The following SLC35A1 variants were observed in gnomAD, a reference collection of about 807,000 sequenced individuals.
The protein encoded by SLC35A1 is CMP-sialic acid transporter.
SLC35A1 carries 21 observed loss-of-function variants against 40.3 expected under a neutral mutation model. That is an observed-to-expected ratio of 0.52 (90% CI 0.37 to 0.75). The LOEUF (loss-of-function observed/expected upper bound fraction) is 0.75, where lower values mean the gene tolerates loss of function less well. Ranked by LOEUF, SLC35A1 falls within the 30% of genes least tolerant of loss-of-function variation. The pLI is 0.00. For synonymous variants in SLC35A1, 146 were observed against 147.3 expected, an observed-to-expected ratio of 0.99 and a Z score of 0.06; for missense variants, 297 against 382.1, an observed-to-expected ratio of 0.78 and a Z score of 1.86.
chr6:87,486,155 T>C (rs2127966907), intron 2 of SLC35A1, among the ~76,000 whole-genome samples: 1 of 152,334 alleles, frequency 6.6e-6, no homozygotes, highest in Non-Finnish European at 1.5e-5. Flanking sequence ...TCTCTGATGC[T>C]GTTTGCTCAG....
intron 2 of SLC35A1, among the ~76,000 whole-genome samples, chr6:87,490,329 GTCA>G (rs1769510439): frequency 6.9e-6 from 1 of 144,488 alleles, no homozygotes; most frequent in Non-Finnish European, 1.5e-5. Context: ...GATATATATT[GTCA>G]TCATTTTTTT....
chr6:87,489,243 T>C (rs922540527), intron 2 of SLC35A1, among the ~76,000 whole-genome samples: 5 of 151,636 alleles, frequency 3.3e-5, no homozygotes, highest in Non-Finnish European at 5.9e-5. Flanking sequence ...TGTGGTGATG[T>C]TGGGAGGCGG....
chr6:87,485,851 G>A (rs1751153580), intron 2 of SLC35A1, among the ~76,000 whole-genome samples: 1 of 152,126 alleles, frequency 6.6e-6, no homozygotes, highest in Non-Finnish European at 1.5e-5. Flanking sequence ...TGCAGAGTTA[G>A]TGTAAAAATT....
At chr6:87,487,490 G>A (rs1769422006) in intron 2 of SLC35A1, among the ~76,000 whole-genome samples, 1 of 152,074 alleles carries the variant, frequency 6.6e-6, no homozygotes, top group South Asian at 2.1e-4. Flanking sequence ...ACCTTGTTTT[G>A]TGTGTGCTTC....
At chr6:87,492,157 C>T (rs893002722) in intron 2 of SLC35A1, among the ~76,000 whole-genome samples, 28 of 152,090 alleles carry the variant, frequency 1.8e-4, no homozygotes, top group Admixed American at 1.8e-3. Flanking sequence ...ATAAAATTAT[C>T]GAAATTGAGA....
chr6:87,506,507 T>C (rs1770087599), intron 5 of SLC35A1, 59 bp downstream of exon 5: 2 of 1,267,364 alleles, frequency 1.6e-6, no homozygotes, highest in South Asian at 2.4e-5. Context: ...CATCAAACTT[T>C]AGACACCAGT....
chr6:87,504,271 GAAAAAAA>G (rs1159630556), intron 4 of SLC35A1, among the ~76,000 whole-genome samples: 2 of 96,804 alleles, frequency 2.1e-5, no homozygotes, highest in Non-Finnish European at 4.7e-5. Flanking sequence ...GTCTCAAAAA[GAAAAAAA>G]AAAAAAAAAG....
rs1242947136 is a variant in SLC35A1 at position 87,509,067 on chromosome 6, ACTT to A, written c.781_783del (p.Ser261del). ...TCTTGCAAGTGTTGGTGGCCTCTAC[ACTT>A]CTGTTGTGGTTAAGTACACAGACAA... On this transcript the variant is annotated inframe_deletion, in exon 7 of 8. Transcript: ENST00000369552. The A allele has an allele frequency of 9.9e-6, 16 of 1,614,006 alleles. No individual in the cohort carries two copies. The highest frequency in any genetic ancestry group is 1.4e-5 in the Non-Finnish European group (16 of 1,179,948).
intron 4 of SLC35A1, among the ~76,000 whole-genome samples, chr6:87,504,842 G>A (rs1426599266): frequency 6.6e-6 from 1 of 152,244 alleles, no homozygotes; most frequent in Admixed American, 6.5e-5. Context: ...CAGATGTTGG[G>A]ATAGGTGGTA....
chr6:87,506,421 A>AT lies in SLC35A1; in HGVS notation c.549dup (p.Ala184CysfsTer13). On this transcript the variant is annotated frameshift_variant, in exon 5 of 8. Transcript: ENST00000369552. LOFTEE classifies it high-confidence loss of function. ...ATTATTAGGGTTTGGCGCTATAGCT[A>AT]TTGCTGTATTGTGCTCAGGATTTGC... is the stretch of plus-strand genomic sequence containing the variant. 2 of 1,613,680 alleles carry AT rather than the reference A, an allele frequency of 1.2e-6. No homozygotes were observed. Among genetic ancestry groups the AT allele is most frequent in the Non-Finnish European group, 1.7e-6 (2 of 1,179,696 alleles).
chr6:87,485,028 A>G (rs1026621174), intron 2 of SLC35A1, among the ~76,000 whole-genome samples: 7 of 152,224 alleles, frequency 4.6e-5, no homozygotes, highest in East Asian at 1.9e-4. Context: ...AGTGTTGTCA[A>G]TTCTTTGTAC....
rs1439478688 is a variant in SLC35A1, at chr6:87,500,556, C to T, written c.243C>T (p.Val81=). Residue 81 remains valine, a synonymous_variant, in exon 3 of 8, where the codon GTC becomes GTT. Transcript: ENST00000369552. The stretch of plus-strand genomic sequence containing the variant: ...TCAAAGCATCTTTAAGAGAAAATGT[C>T]TTGGGGAGCCCCAAGGAACTGTTGA... ...GRFKASLREN[V]LGSPKELLKL... is the part of the protein sequence containing the mutation. 1 of 1,613,920 alleles carries T rather than the reference C, an allele frequency of 6.2e-7. No homozygotes were observed. The highest frequency in any genetic ancestry group is 8.5e-7 in the Non-Finnish European group (1 of 1,179,996).
intron 2 of SLC35A1, among the ~76,000 whole-genome samples, chr6:87,486,863 A>G (rs1769406201): frequency 6.6e-6 from 1 of 152,108 alleles, no homozygotes; most frequent in East Asian, 1.9e-4. Flanking sequence ...TTTAGATTTA[A>G]TCTGAAGTGC....
intron 5 of SLC35A1, among the ~76,000 whole-genome samples, chr6:87,507,726 A>T (rs914261388): frequency 1.3e-5 from 2 of 151,070 alleles, no homozygotes; most frequent in African/African-American, 4.8e-5. Flanking sequence ...TTTAAGCATA[A>T]ATCCAGAGAT....
chr6:87,497,995 C>T (rs1369148749), intron 2 of SLC35A1, among the ~76,000 whole-genome samples: 1 of 151,812 alleles, frequency 6.6e-6, no homozygotes, highest in Admixed American at 6.6e-5. Context: ...TCCTGAGTAG[C>T]TGGGATACAG....
intron 1 of SLC35A1, among the ~76,000 whole-genome samples, chr6:87,474,011 C>G (rs1768997920): frequency 6.6e-6 from 1 of 152,246 alleles, no homozygotes; most frequent in Non-Finnish European, 1.5e-5. Flanking sequence ...TCTCTTATGT[C>G]TTCTTTCTGT....
At chr6:87,488,991 C>G (rs1264294281) in intron 2 of SLC35A1, among the ~76,000 whole-genome samples, 1 of 152,224 alleles carries the variant, frequency 6.6e-6, no homozygotes, top group Non-Finnish European at 1.5e-5. Flanking sequence ...TGTTCTTTCT[C>G]TTGCCTTTAA....
At chr6:87,474,392 T>C (rs979440713) in intron 1 of SLC35A1, among the ~76,000 whole-genome samples, 7 of 152,194 alleles carry the variant, frequency 4.6e-5, no homozygotes, top group Admixed American at 3.9e-4. Flanking sequence ...CATTTTAAAC[T>C]GTAAGTTTCT....
At position 87,512,209 on chromosome 6, in the gene SLC35A1, C is replaced by T. The variant is rs921660464; in HGVS notation, c.*683C>T. 6.6e-6 allele frequency: 1 copy of T among 152,532 alleles called. No individual in the cohort carries two copies. Among genetic ancestry groups the T allele is most frequent in the African/African-American group, 2.4e-5 (1 of 41,388 alleles). The allele number at this position is 152,532 out of a possible 1,614,324, so 9.4% of individuals were successfully genotyped here. Reference sequence around the variant, plus strand: ...GATACACATTTCTTCAAAAAAATTTCTAATGTCACTTTTGTACTTTTTTAA... The same window carrying T: ...GATACACATTTCTTCAAAAAAATTTTTAATGTCACTTTTGTACTTTTTTAA... On this transcript the variant is annotated 3_prime_UTR_variant, in exon 8 of 8. Transcript: ENST00000369552.
Sources: gnomAD v4.1 joint callset for allele counts (sites outside exome capture counted in the v4.1 genomes callset) on GRCh38, gnomAD v4.1.1 for gene constraint, MANE v1.5 for transcripts, NCBI Gene and HGNC (gene_info 2026-07-23, HGNC 2026-07-21) for gene names.